RTP5: variants seen among roughly 807,000 people sequenced by gnomAD.
RTP5 encodes the protein receptor-transporting protein 5.
A neutral mutation model predicts 23.5 loss-of-function variants in RTP5; 30 were observed. The observed-to-expected ratio is 1.27, with a 90% confidence interval of 0.95 to 1.73. The LOEUF (loss-of-function observed/expected upper bound fraction) is 1.73, where lower values mean the gene tolerates loss of function less well. Ranked by LOEUF, RTP5 falls within the 40% of genes most tolerant of loss-of-function variation. The pLI is 0.00. For missense variants in RTP5, 807 were observed against 784.2 expected, an observed-to-expected ratio of 1.03 and a Z score of -0.35; for synonymous variants, 354 against 342.1, an observed-to-expected ratio of 1.03 and a Z score of -0.38.
At position 241,873,463 on chromosome 2, in the gene RTP5, C is replaced by T; in HGVS notation, c.*189C>T. 1 of 536,696 alleles carries T rather than the reference C, an allele frequency of 1.9e-6. No individual in the cohort carries two copies. Among genetic ancestry groups the T allele is most frequent in the South Asian group, 2.4e-5 (1 of 42,364 alleles). 33.2% of individuals were successfully genotyped at this position (536,696 alleles called of 1,614,324 possible). A position where few individuals can be genotyped will look rare whatever the true frequency, so the allele number is the denominator to read the frequency against. ...CGAGACCCCGCCCTGCCTCTGAGACCCCGCCTCACCTCTGAGACACCCCCC... is the reference window on the plus strand; with the variant it reads ...CGAGACCCCGCCCTGCCTCTGAGACTCCGCCTCACCTCTGAGACACCCCCC... On this transcript the variant is annotated 3_prime_UTR_variant, in exon 2 of 2. Transcript: ENST00000343216.
At position 241,872,452 on chromosome 2, in the gene RTP5, G is replaced by T. The variant is rs78628254; in HGVS notation, c.897G>T (p.Pro299=). Residue 299 remains proline (P), a synonymous_variant, in exon 2 of 2, where the codon CCG becomes CCT. Transcript: ENST00000343216. ...LFKGRGSLCS[P]VGVAQGWGPI... ...AAGGCCGGGGCTCCCTCTGCAGCCC[G>T]GTTGGCGTGGCCCAGGGCTGGGGCC... The T allele has an allele frequency of 6.2e-7, 1 of 1,604,074 alleles. No individual in the cohort carries two copies. The highest frequency in any genetic ancestry group is 1.7e-5 in the Admixed American group (1 of 57,354).
At position 241,872,877 on chromosome 2, in the gene RTP5, G is replaced by A; in HGVS notation, c.1322G>A (p.Gly441Asp). Residue 441 changes from glycine (G) to aspartate (D), a missense_variant, in exon 2 of 2, where the codon GGC becomes GAC. By Grantham distance (94) the Gly-to-Asp change is moderately conservative (BLOSUM62 -1). Transcript: ENST00000343216. ...GATGCCTTTACTGACATCACTGAAG[G>A]CAAAGAGAAGGAAGGTGGCCTGGTC... is the stretch of plus-strand genomic sequence containing the variant. Reference protein sequence around the residue: ...GKDAFTDITEGKEKEGGLVTA... With the variant: ...GKDAFTDITEDKEKEGGLVTA... 1 of 1,612,724 alleles carries A rather than the reference G, an allele frequency of 6.2e-7. No homozygotes were observed. Among genetic ancestry groups the A allele is most frequent in the Non-Finnish European group, 8.5e-7 (1 of 1,179,972 alleles).
chr2:241,873,119 C>A lies in RTP5; in HGVS notation c.1564C>A (p.Arg522Ser). Reference sequence around the variant, plus strand: ...GTTCCACAAGGCCCGCTGTGGGTGCCGCCGGGAGGAAGACGAGCGCCCTGG... The same window carrying A: ...GTTCCACAAGGCCCGCTGTGGGTGCAGCCGGGAGGAAGACGAGCGCCCTGG... ...SRFHKARCGC[R>S]REEDERPGRA... is the part of the protein sequence containing the mutation. The change falls in exon 2 of 2, where the codon CGC becomes AGC. Residue 522 changes from arginine (R) to serine (S), a missense_variant. Physicochemically the swap from Arg to Ser is moderately radical, Grantham distance 110 (BLOSUM62 -1). Coordinates refer to ENST00000343216, the MANE Select transcript of RTP5 (RefSeq NM_173821.3). 1 of 1,612,536 alleles carries A rather than the reference C, an allele frequency of 6.2e-7. No individual in the cohort carries two copies. Among genetic ancestry groups the A allele is most frequent in the Non-Finnish European group, 8.5e-7 (1 of 1,179,954 alleles).
chr2:241,871,462 T>C lies in RTP5; in HGVS notation c.159-252T>C, dbSNP rs543351768. ...GGCTGCGGGCTAGTGCGCATGGGCC[T>C]GCTTTTGCCTGTGTGTGGCCGAGGG... On this transcript the variant is annotated intron_variant, in intron 1 of 1. Transcript: ENST00000343216. Among the ~76,000 whole-genome samples the C allele has an allele frequency of 3.6e-3, 544 of 152,328 alleles. 2 individuals carry two copies. The highest frequency in any genetic ancestry group is 0.013 in the African/African-American group (521 of 41,582).
At position 241,872,746 on chromosome 2, in the gene RTP5, C is replaced by CCTCAGCAACGGCACT. The variant is rs1559458646; in HGVS notation, c.1191_1192insCTCAGCAACGGCACT (p.Leu397_Val398insLeuSerAsnGlyThr). ...GGAAGGAAGGAGGCGGCCAGGGCCT[C>CCTCAGCAACGGCACT]GTCCCAGTGGGTCACGACGCCCTGC... On this transcript the variant is annotated inframe_insertion, in exon 2 of 2. Coordinates refer to ENST00000343216, the MANE Select transcript of RTP5 (RefSeq NM_173821.3). 1 of 1,596,356 alleles carries CCTCAGCAACGGCACT rather than the reference C, an allele frequency of 6.3e-7. No individual in the cohort carries two copies. The highest frequency in any genetic ancestry group is 1.3e-5 in the African/African-American group (1 of 74,528).
chr2:241,872,862 C>T lies in RTP5; in HGVS notation c.1307C>T (p.Thr436Ile), dbSNP rs1701352964. The change falls in exon 2 of 2, where the codon ACT becomes ATT. Residue 436 changes from threonine (T) to isoleucine (I), a missense_variant. Physicochemically the swap from Thr to Ile is moderately conservative, Grantham distance 89. Transcript: ENST00000343216. The stretch of plus-strand genomic sequence containing the variant: ...GATGTCCAAGGCAAAGATGCCTTTA[C>T]TGACATCACTGAAGGCAAAGAGAAG... ...PADVQGKDAF[T>I]DITEGKEKEG... The T allele has an allele frequency of 1.9e-6, 3 of 1,612,688 alleles. No homozygotes were observed. Among genetic ancestry groups the T allele is most frequent in the East Asian group, 2.2e-5 (1 of 44,832 alleles).
chr2:241,872,416 C>T lies in RTP5; in HGVS notation c.861C>T (p.Gly287=). Residue 287 remains glycine (G), a synonymous_variant, in exon 2 of 2, where the codon GGC becomes GGT. Coordinates refer to ENST00000343216, the MANE Select transcript of RTP5 (RefSeq NM_173821.3). ...GSSIQTFELK[G]FLFKGRGSLC... ...GCATCCAGACCTTCGAGCTCAAGGG[C>T]TTCCTCTTCAAAGGCCGGGGCTCCC... The T allele has an allele frequency of 6.2e-7, 1 of 1,612,012 alleles. No homozygotes were observed. Among genetic ancestry groups the T allele is most frequent in the South Asian group, 1.1e-5 (1 of 90,972 alleles).
In RTP5 at chr2:241,873,178, CGAG is replaced by C. The variant is rs1295045547; in HGVS notation, c.1626_1628del (p.Glu542del). On this transcript the variant is annotated inframe_deletion, in exon 2 of 2. Transcript: ENST00000343216. ...GCCGTAGGCCGCACGCCGAGCCCTA[CGAG>C]GACTTCTGGATCTGGGTGTCCATGA... is the stretch of plus-strand genomic sequence containing the variant. 1.9e-6 allele frequency: 3 copies of C among 1,611,190 alleles called. No individual in the cohort carries two copies. Among genetic ancestry groups the C allele is most frequent in the East Asian group, 4.5e-5 (2 of 44,888 alleles).
chr2:241,869,960 G>A, intron 1 of RTP5, 46 bp downstream of exon 1: 1 of 1,426,582 alleles, frequency 7.0e-7, no homozygotes, highest in African/African-American at 1.5e-5. Flanking sequence ...GGGGCTGAAG[G>A]TGCTTTTCCA....
At position 241,870,321 on chromosome 2, in the gene RTP5, C is replaced by T. The variant is rs540883977; in HGVS notation, c.158+407C>T. Among the ~76,000 whole-genome samples, 9 of 152,336 alleles carry T rather than the reference C, an allele frequency of 5.9e-5. No homozygotes were observed. In the East Asian group the frequency reaches 1.4e-3, roughly 23 times the overall value. On this transcript the variant is annotated intron_variant, in intron 1 of 1. Transcript: ENST00000343216. ...CCTGTGTTGCACACAGCGGGGTGCT[C>T]GGCCCTGATCGGGGGCCCGGGGTGG...
intron 1 of RTP5, among the ~76,000 whole-genome samples, chr2:241,870,313 G>A (rs1282044780): frequency 2.0e-5 from 3 of 152,346 alleles, no homozygotes; most frequent in Admixed American, 6.5e-5. Context: ...TGCACACAGC[G>A]GGGTGCTCGG....
At chr2:241,870,395 C>T (rs1478779580) in intron 1 of RTP5, among the ~76,000 whole-genome samples, 1 of 152,254 alleles carries the variant, frequency 6.6e-6, no homozygotes, top group Non-Finnish European at 1.5e-5. Flanking sequence ...GTTGTGGTGC[C>T]GTCAGCGCAG....
At position 241,873,025 on chromosome 2, in the gene RTP5, T is replaced by C; in HGVS notation, c.1470T>C (p.Val490=). 3 of 1,613,130 alleles carry C rather than the reference T, an allele frequency of 1.9e-6. No individual in the cohort carries two copies. Among genetic ancestry groups the C allele is most frequent in the Non-Finnish European group, 2.5e-6 (3 of 1,179,932 alleles). Residue 490 remains valine (V), a synonymous_variant, in exon 2 of 2, where the codon GTT becomes GTC. Coordinates refer to ENST00000343216, the MANE Select transcript of RTP5 (RefSeq NM_173821.3). ...DVIKRKGGGH[V]AYGPQGNGCF... ...TAAAGCGCAAGGGCGGTGGCCACGT[T>C]GCCTACGGCCCCCAGGGCAATGGCT...
Position 241,872,917 on chromosome 2 carries a change from C to T in RTP5, c.1362C>T (p.Asp454=), listed in dbSNP as rs1407308466. Residue 454 remains aspartate, a synonymous_variant, in exon 2 of 2, where the codon GAC becomes GAT. Transcript: ENST00000343216. Reference sequence around the variant, plus strand: ...GTGGCCTGGTCACCGCGGGTCACGACGCCCCTCTGGAGGCCAATGCCGAGG... The same window carrying T: ...GTGGCCTGGTCACCGCGGGTCACGATGCCCCTCTGGAGGCCAATGCCGAGG... ...KEGGLVTAGH[D]APLEANAEGP... is the part of the protein sequence containing the mutation. 1.2e-5 allele frequency: 20 copies of T among 1,613,004 alleles called. No individual in the cohort carries two copies. Among genetic ancestry groups the T allele is most frequent in the South Asian group, 2.2e-5 (2 of 91,080 alleles).
In RTP5 at chr2:241,872,521, GC is replaced by G; in HGVS notation, c.968del (p.Pro323GlnfsTer160). The G allele has an allele frequency of 6.3e-7, 1 of 1,584,416 alleles. No homozygotes were observed. Among genetic ancestry groups the G allele is most frequent in the Non-Finnish European group, 8.6e-7 (1 of 1,164,484 alleles). On this transcript the variant is annotated frameshift_variant, in exon 2 of 2. Transcript: ENST00000343216. LOFTEE classifies it high-confidence loss of function. ...GCCTCGTCCCTGTGGGGAAACACACGCCAACCGTGTTCTACTGTGTGGGCCT... is the reference window on the plus strand; with the variant it reads ...GCCTCGTCCCTGTGGGGAAACACACGCAACCGTGTTCTACTGTGTGGGCCT... ...NGLVPVGKHT[P>X]TVFYCVGLSA...
At position 241,872,203 on chromosome 2, in the gene RTP5, G is replaced by A. The variant is rs1701334117; in HGVS notation, c.648G>A (p.Val216=). 1.9e-6 allele frequency: 3 copies of A among 1,611,562 alleles called. No homozygotes were observed. Among genetic ancestry groups the A allele is most frequent in the South Asian group, 1.1e-5 (1 of 91,060 alleles). Residue 216 remains valine, a synonymous_variant, in exon 2 of 2, where the codon GTG becomes GTA. Transcript: ENST00000343216. The stretch of plus-strand genomic sequence containing the variant: ...TTGTGGGTACCAGCAATGACCAGGT[G>A]CCCATCGCTGAGGGCCCTGCCCCCC... ...FSLVGTSNDQ[V]PIAEGPAPPA...
rs1371874548 is a variant in RTP5, at chr2:241,872,236, G to T, written c.681G>T (p.Gly227=). The change falls in exon 2 of 2, where the codon GGG becomes GGT. Residue 227 remains glycine, a synonymous_variant. Coordinates refer to ENST00000343216, the MANE Select transcript of RTP5 (RefSeq NM_173821.3). ...PIAEGPAPPA[G]ASLPVTGSCE... The stretch of plus-strand genomic sequence containing the variant: ...CTGAGGGCCCTGCCCCCCCTGCGGG[G>T]GCCTCTCTCCCTGTGACTGGCAGCT... The T allele has an allele frequency of 1.2e-6, 2 of 1,607,356 alleles. No homozygotes were observed. The highest frequency in any genetic ancestry group is 1.7e-6 in the Non-Finnish European group (2 of 1,176,400).
chr2:241,872,434 G>A lies in RTP5; in HGVS notation c.879G>A (p.Arg293=). Residue 293 remains arginine (R), a synonymous_variant, in exon 2 of 2, where the codon CGG becomes CGA. Transcript: ENST00000343216. ...FELKGFLFKG[R]GSLCSPVGVA... Reference sequence around the variant, plus strand: ...TCAAGGGCTTCCTCTTCAAAGGCCGGGGCTCCCTCTGCAGCCCGGTTGGCG... The same window carrying A: ...TCAAGGGCTTCCTCTTCAAAGGCCGAGGCTCCCTCTGCAGCCCGGTTGGCG... 6.2e-7 allele frequency: 1 copy of A among 1,610,500 alleles called. No individual in the cohort carries two copies. The highest frequency in any genetic ancestry group is 1.1e-5 in the South Asian group (1 of 90,772).
In RTP5 at chr2:241,869,840, GCTAC is replaced by G. The variant is rs762984632; in HGVS notation, c.87_90del (p.Pro30SerfsTer55). 2 of 1,584,600 alleles carry G rather than the reference GCTAC, an allele frequency of 1.3e-6. No homozygotes were observed. The highest frequency in any genetic ancestry group is 4.6e-5 in the East Asian group (2 of 43,200). ...GGAAGCCCCAGGACGTCTGGGTTCTGCTACCTGAGCACAGCCTGGTCCCGGGATG... is the reference window on the plus strand; with the variant it reads ...GGAAGCCCCAGGACGTCTGGGTTCTGCTGAGCACAGCCTGGTCCCGGGATG... On this transcript the variant is annotated frameshift_variant, in exon 1 of 2. Transcript: ENST00000343216. LOFTEE classifies it high-confidence loss of function.
Sources: gnomAD v4.1 joint callset for allele counts (sites outside exome capture counted in the v4.1 genomes callset) on GRCh38, gnomAD v4.1.1 for gene constraint, MANE v1.5 for transcripts, NCBI Gene and HGNC (gene_info 2026-07-23, HGNC 2026-07-21) for gene names.